Variants in UGT1A8 observed in about 807,000 individuals in gnomAD.
UGT1A8 encodes UDP-glucuronosyltransferase 1A8.
Under a neutral mutation model 45.3 loss-of-function variants are expected in UGT1A8, and 39 were observed. The observed-to-expected ratio is 0.86, with a 90% CI of 0.67 to 1.12. The LOEUF is 1.12. UGT1A8 is among the 50% of genes most tolerant of loss of function. The pLI, the probability that UGT1A8 is intolerant of heterozygous loss-of-function variation, is 0.00. For synonymous variants in UGT1A8, 275 were observed against 249.2 expected (o/e 1.10, Z -0.97); for missense variants, 719 against 664.9 (o/e 1.08, Z -0.90).
At position 233,672,865 on chromosome 2, in the gene UGT1A8, GATTTGAC is replaced by G; in HGVS notation, c.855+54308_855+54314del. ...AAAAAAGGATTCTTTACTGAACTGTGATTTGACATTTTCATTTGTTTCATTTCAAATT... is the reference window on the plus strand; with the variant it reads ...AAAAAAGGATTCTTTACTGAACTGTGATTTTCATTTGTTTCATTTCAAATT... On this transcript the variant is annotated intron_variant, in intron 1 of 4. Transcript: ENST00000373450. The G allele has an allele frequency of 2.0e-6, 3 of 1,520,894 alleles. No individual in the cohort carries two copies. The Middle Eastern group carries it at 5.3e-4, about 270-fold the overall frequency. The allele number at this position is 1,520,894 out of a possible 1,614,324, so 94.2% of individuals were successfully genotyped here.
At chr2:233,668,059 A>AT (rs34354669) in intron 1 of UGT1A8, among the ~76,000 whole-genome samples, 86,094 of 151,280 alleles carry the variant, frequency 0.57, 25,504 homozygotes, top group African/African-American at 0.74. Context: ...TACTGTGCAC[A>AT]TTTTTTTTTA....
intron 1 of UGT1A8, among the ~76,000 whole-genome samples, chr2:233,745,915 C>T (rs1264125490): frequency 5.3e-5 from 8 of 151,156 alleles, no homozygotes; most frequent in Admixed American, 5.3e-4. Flanking sequence ...GCAGCTGAGG[C>T]AGTGATTCAG....
intron 1 of UGT1A8, among the ~76,000 whole-genome samples, chr2:233,748,621 T>C (rs1261589705): frequency 1.3e-5 from 2 of 151,698 alleles, no homozygotes; most frequent in African/African-American, 4.9e-5. Context: ...ACGTGGGATA[T>C]ATGTCTGTGA....
intron 1 of UGT1A8, chr2:233,692,199 G>A (rs2075084120): frequency 6.6e-6 from 1 of 152,394 alleles, no homozygotes; most frequent in African/African-American, 2.4e-5. Context: ...TGAAGGTGTG[G>A]AGGGTGGGGC....
At chr2:233,622,516 G>C (rs1369569990) in intron 1 of UGT1A8, among the ~76,000 whole-genome samples, 1 of 152,140 alleles carries the variant, frequency 6.6e-6, no homozygotes, top group Non-Finnish European at 1.5e-5. Context: ...TCTGTTGGCT[G>C]CATAAATGTC....
intron 1 of UGT1A8, among the ~76,000 whole-genome samples, chr2:233,761,780 C>T (rs762414530): frequency 3.3e-5 from 5 of 152,172 alleles, no homozygotes; most frequent in African/African-American, 9.7e-5. Flanking sequence ...ACATCCTCAT[C>T]GAAATCTCAG....
At chr2:233,623,252 A>G (rs2073040677) in intron 1 of UGT1A8, among the ~76,000 whole-genome samples, 1 of 152,080 alleles carries the variant, frequency 6.6e-6, no homozygotes, top group African/African-American at 2.4e-5. Context: ...GTTTTTTCCA[A>G]TTCTGTGAAG....
chr2:233,656,091 A>T (rs2248733), intron 1 of UGT1A8, among the ~76,000 whole-genome samples: 19,101 of 151,610 alleles, frequency 0.13, 1,280 homozygotes, highest in Non-Finnish European at 0.16. Flanking sequence ...CTGAACAAAC[A>T]GGGTAAACAT....
chr2:233,724,363 C>G (rs1212893783), intron 1 of UGT1A8, among the ~76,000 whole-genome samples: 1 of 136,850 alleles, frequency 7.3e-6, no homozygotes. Context: ...CCCTCCCGGA[C>G]GGGGTGGCTG....
chr2:233,709,499 C>T (rs1449050951), intron 1 of UGT1A8, among the ~76,000 whole-genome samples: 1 of 152,092 alleles, frequency 6.6e-6, no homozygotes, highest in Non-Finnish European at 1.5e-5. Flanking sequence ...GAAGTCTCTG[C>T]CTCTTGCTCT....
chr2:233,731,059 T>C (rs1284464869), intron 1 of UGT1A8, among the ~76,000 whole-genome samples: 2 of 152,240 alleles, frequency 1.3e-5, no homozygotes, highest in African/African-American at 2.4e-5. Flanking sequence ...TGTATGAACT[T>C]CCATGATTTA....
intron 1 of UGT1A8, among the ~76,000 whole-genome samples, chr2:233,766,494 G>A (rs1250106940): frequency 2.6e-5 from 4 of 152,182 alleles, no homozygotes; most frequent in African/African-American, 9.7e-5. Flanking sequence ...GGCGTGGCAG[G>A]CCAGGGTGGT....
At chr2:233,724,928 A>C (rs2125707606) in intron 1 of UGT1A8, among the ~76,000 whole-genome samples, 1 of 142,602 alleles carries the variant, frequency 7.0e-6, no homozygotes, top group South Asian at 2.5e-4. Context: ...TGAGTGAACG[A>C]GACTCCGTCT....
At chr2:233,674,784 C>G (rs2074295683) in intron 1 of UGT1A8, among the ~76,000 whole-genome samples, 1 of 152,110 alleles carries the variant, frequency 6.6e-6, no homozygotes, top group Non-Finnish European at 1.5e-5. Context: ...GCGGAGTTCT[C>G]ACAGAGGAAT....
chr2:233,674,296 C>T (rs1205151095), intron 1 of UGT1A8, among the ~76,000 whole-genome samples: 1 of 152,194 alleles, frequency 6.6e-6, no homozygotes. Context: ...TTAGGCATGA[C>T]TTTCGGATCT....
chr2:233,636,759 C>T, intron 1 of UGT1A8: 1 of 1,614,150 alleles, frequency 6.2e-7, no homozygotes, highest in Non-Finnish European at 8.5e-7. Context: ...CTTACTCAAC[C>T]TCGTACACTC....
At chr2:233,729,584 C>T in intron 1 of UGT1A8, 7 of 1,614,090 alleles carry the variant, frequency 4.3e-6, no homozygotes, top group Non-Finnish European at 5.9e-6. Flanking sequence ...TTAACAGACC[C>T]CGTTAACCTC....
At chr2:233,707,185 G>A (rs1175311171) in intron 1 of UGT1A8, among the ~76,000 whole-genome samples, 1 of 152,072 alleles carries the variant, frequency 6.6e-6, no homozygotes, top group African/African-American at 2.4e-5. Flanking sequence ...CTGGGTGCCT[G>A]CCCTCCGTTC....
intron 1 of UGT1A8, chr2:233,761,020 C>T (rs1412278754): frequency 9.9e-6 from 16 of 1,614,116 alleles, no homozygotes; most frequent in Non-Finnish European, 1.4e-5. Context: ...GGTGACTGTC[C>T]AGGACCTATT....
Sources: allele counts gnomAD v4.1 joint callset (sites outside exome capture counted in the v4.1 genomes callset), GRCh38; gene constraint gnomAD v4.1.1; transcripts MANE v1.5; gene names NCBI Gene and HGNC (gene_info 2026-07-23, HGNC 2026-07-21).